SLFN12L: variants seen among roughly 807,000 people sequenced by gnomAD.
The protein encoded by SLFN12L is schlafen family member 12 like.
SLFN12L carries 34 observed loss-of-function variants against 34.8 expected under a neutral mutation model. The ratio of observed to expected loss-of-function variants is 0.98; its 90% CI spans 0.74 to 1.30. The LOEUF (loss-of-function observed/expected upper bound fraction) is 1.30, where lower values mean the gene tolerates loss of function less well. Ranked by LOEUF, SLFN12L falls within the 50% of genes most tolerant of loss-of-function variation. The pLI, the probability that SLFN12L is intolerant of heterozygous loss-of-function variation, is 0.00. For synonymous variants in SLFN12L, 259 were observed against 247.5 expected, an observed-to-expected ratio of 1.05 and a Z score of -0.44; for missense variants, 703 against 696.2, an observed-to-expected ratio of 1.01 and a Z score of -0.11.
chr17:35,477,277 T>C (rs1373562291), intron 4 of SLFN12L, among the ~76,000 whole-genome samples: 2 of 152,228 alleles, frequency 1.3e-5, no homozygotes, highest in Non-Finnish European at 2.9e-5. Context: ...TGGATGTGGA[T>C]TACATATTTA....
At chr17:35,529,760 G>A (rs2072373173) in intron 1 of SLFN12L, among the ~76,000 whole-genome samples, 1 of 152,032 alleles carries the variant, frequency 6.6e-6, no homozygotes, top group African/African-American at 2.4e-5. Context: ...GGGTTGGTGG[G>A]TGCAGCAAAC....
At position 35,465,018 on chromosome 17, in the gene SLFN12L, G is replaced by A. The variant is rs577829501; in HGVS notation, c.*9905C>T. Among the ~76,000 whole-genome samples the A allele has an allele frequency of 1.3e-5, 2 of 152,080 alleles. No homozygotes were observed. The highest frequency in any genetic ancestry group is 2.4e-5 in the African/African-American group (1 of 41,518). On this transcript the variant is annotated 3_prime_UTR_variant, in exon 5 of 5. Transcript: ENST00000628453. ...CAGCTTCCCAAGTAGCTGGGACTAC[G>A]GGAGCACACCACCACATCCAGCTAA...
intron 4 of SLFN12L, 50 bp downstream of exon 4, chr17:35,478,025 G>T: frequency 1.7e-6 from 2 of 1,166,252 alleles, no homozygotes; most frequent in Non-Finnish European, 2.5e-6. Context: ...AGAGAAGGAG[G>T]TTTGAACACA....
chr17:35,512,456 C>G (rs1047481625), intron 2 of SLFN12L, among the ~76,000 whole-genome samples: 2 of 151,292 alleles, frequency 1.3e-5, no homozygotes, highest in African/African-American at 4.9e-5. Flanking sequence ...AGCTCCGCCT[C>G]CCGGGTTCAC....
rs528231531 is a variant in SLFN12L at position 35,479,755 on chromosome 17, G to A, written c.527C>T (p.Ala176Val). ...TGCAGCAGAAGCATTCATGACTTTT[G>A]CAGACGTTACATCTCTCTTGTACAA... ...SSLYKRDVTS[A>V]KVMNASAALE... Residue 176 changes from alanine to valine, a missense_variant, in exon 3 of 5, where the codon GCA becomes GTA. Coordinates refer to ENST00000628453, the MANE Select transcript of SLFN12L (RefSeq NM_001363830.2). 3.0e-5 allele frequency: 49 copies of A among 1,614,052 alleles called. No homozygotes were observed. In the South Asian group the frequency reaches 4.9e-4, roughly 16 times the overall value.
intron 2 of SLFN12L, among the ~76,000 whole-genome samples, chr17:35,508,994 A>G (rs1915553989): frequency 6.6e-6 from 1 of 152,180 alleles, no homozygotes; most frequent in African/African-American, 2.4e-5. Context: ...TGTCCTATAT[A>G]TATTTCTGGG....
chr17:35,500,098 TGATAAG>T (rs1915236921), intron 2 of SLFN12L: 1 of 152,240 alleles, frequency 6.6e-6, no homozygotes, highest in African/African-American at 2.4e-5. Context: ...TTACAGTTAA[TGATAAG>T]GATATCAAGA....
intron 2 of SLFN12L, among the ~76,000 whole-genome samples, chr17:35,486,722 T>C (rs566927497): frequency 6.6e-6 from 1 of 152,328 alleles, no homozygotes; most frequent in East Asian, 1.9e-4. Flanking sequence ...AAATCCTTTA[T>C]ACTTTTGACT....
chr17:35,489,464 G>A (rs1271212971), intron 2 of SLFN12L, among the ~76,000 whole-genome samples: 1 of 152,062 alleles, frequency 6.6e-6, no homozygotes, highest in Non-Finnish European at 1.5e-5. Context: ...TATGGTGGGA[G>A]GATCACTTGA....
intron 2 of SLFN12L, among the ~76,000 whole-genome samples, chr17:35,507,067 G>C (rs1915483779): frequency 6.6e-6 from 1 of 152,308 alleles, no homozygotes; most frequent in African/African-American, 2.4e-5. Flanking sequence ...AGCCCCCACT[G>C]GATTATACTG....
At chr17:35,489,883 T>G (rs190923474) in intron 2 of SLFN12L, 44 of 800,804 alleles carry the variant, frequency 5.5e-5, no homozygotes, top group Non-Finnish European at 4.0e-6. Flanking sequence ...ACCAACCTTG[T>G]GGAATATTAT....
Position 35,464,796 on chromosome 17 carries a change from G to C in SLFN12L, c.*10127C>G, listed in dbSNP as rs796635544. On this transcript the variant is annotated 3_prime_UTR_variant, in exon 5 of 5. Coordinates refer to ENST00000628453, the MANE Select transcript of SLFN12L (RefSeq NM_001363830.2). ...TCACCCAATTGGAAATCGAAAATTTGTATACCAAAGAATTTATATAACAAA... is the reference window on the plus strand; with the variant it reads ...TCACCCAATTGGAAATCGAAAATTTCTATACCAAAGAATTTATATAACAAA... 6.6e-6 allele frequency: 1 copy of C among 152,140 alleles called. No individual in the cohort carries two copies. The highest frequency in any genetic ancestry group is 1.5e-5 in the Non-Finnish European group (1 of 68,026). 9.4% of individuals were successfully genotyped at this position (152,140 alleles called of 1,614,324 possible).
chr17:35,521,822 C>T (rs1230994184), intron 2 of SLFN12L, among the ~76,000 whole-genome samples: 2 of 152,112 alleles, frequency 1.3e-5, no homozygotes, highest in African/African-American at 4.8e-5. Flanking sequence ...TACAGTGAGT[C>T]ATGATGGTGC....
At chr17:35,478,893 T>G (rs1914156559) in intron 3 of SLFN12L, among the ~76,000 whole-genome samples, 1 of 152,218 alleles carries the variant, frequency 6.6e-6, no homozygotes, top group African/African-American at 2.4e-5. Context: ...ATCTAGAATC[T>G]TTGCATCAGA....
intron 1 of SLFN12L, among the ~76,000 whole-genome samples, chr17:35,530,085 A>G (rs77054140): frequency 0.1 from 15,179 of 144,984 alleles, 1,392 homozygotes; most frequent in African/African-American, 0.24. Flanking sequence ...GTCTTTTGGT[A>G]CCCTGGCTAG....
At position 35,522,903 on chromosome 17, in the gene SLFN12L, C is replaced by T. The variant is rs2142169895; in HGVS notation, c.-539G>A. ...TTGCTTATTTATTAACTCCTCTAAT[C>T]CTTCATTCTGTGAGGACAGCTCCTT... On this transcript the variant is annotated 5_prime_UTR_variant, in exon 2 of 5. Coordinates refer to ENST00000628453, the MANE Select transcript of SLFN12L (RefSeq NM_001363830.2). The T allele has an allele frequency of 1.5e-6, 1 of 687,596 alleles. No individual in the cohort carries two copies. Among genetic ancestry groups the T allele is most frequent in the South Asian group, 1.8e-5 (1 of 54,384 alleles). The allele number at this position is 687,596 out of a possible 1,614,324, so 42.6% of individuals were successfully genotyped here.
Position 35,464,932 on chromosome 17 carries a change from G to C in SLFN12L, c.*9991C>G, listed in dbSNP as rs779534794. Among the ~76,000 whole-genome samples the C allele has an allele frequency of 6.6e-6, 1 of 151,972 alleles. No homozygotes were observed. Among genetic ancestry groups the C allele is most frequent in the South Asian group, 2.1e-4 (1 of 4,820 alleles). ...TGCTCTGTCACCCAGGCTGGAGTGC[G>C]GTGGTGCCATCTTGGCTCACTGCAA... On this transcript the variant is annotated 3_prime_UTR_variant, in exon 5 of 5. Coordinates refer to ENST00000628453, the MANE Select transcript of SLFN12L (RefSeq NM_001363830.2).
At chr17:35,516,152 G>A (rs1014444413) in intron 2 of SLFN12L, among the ~76,000 whole-genome samples, 11 of 152,064 alleles carry the variant, frequency 7.2e-5, no homozygotes, top group Non-Finnish European at 1.5e-4. Context: ...ATCTTTCTGA[G>A]GAAACTATTT....
At chr17:35,512,736 T>C (rs1424479970) in intron 2 of SLFN12L, among the ~76,000 whole-genome samples, 2 of 152,224 alleles carry the variant, frequency 1.3e-5, no homozygotes, top group Non-Finnish European at 2.9e-5. Context: ...AGTTGTCATT[T>C]AAATAAGAAA....
Sources: gnomAD v4.1 joint callset for allele counts (sites outside exome capture counted in the v4.1 genomes callset) on GRCh38, gnomAD v4.1.1 for gene constraint, MANE v1.5 for transcripts, NCBI Gene and HGNC (gene_info 2026-07-23, HGNC 2026-07-21) for gene names.